Variants in RNF144B observed in about 807,000 individuals in gnomAD.
The protein encoded by RNF144B is ring finger protein 144B.
RNF144B carries 25 observed loss-of-function variants against 40.2 expected under a neutral mutation model. The ratio of observed to expected loss-of-function variants is 0.62; its 90% confidence interval spans 0.45 to 0.87. The LOEUF (loss-of-function observed/expected upper bound fraction) is 0.87. Among genes scored for constraint, RNF144B ranks in the 40% least tolerant of loss-of-function variants. RNF144B has a pLI of 0.00. For synonymous variants in RNF144B, 145 were observed against 136.3 expected (o/e 1.06, Z -0.44); for missense variants, 365 against 373.7 (o/e 0.98, Z 0.19).
At chr6:18,433,835 C>T (rs997240337) in intron 3 of RNF144B, among the ~76,000 whole-genome samples, 2 of 152,140 alleles carry the variant, frequency 1.3e-5, no homozygotes, top group Non-Finnish European at 2.9e-5. Flanking sequence ...CTGTTTTTCT[C>T]CTCTGTTAGG....
rs1759615667 is a variant in RNF144B at position 18,468,290 on chromosome 6, G to C, written c.*3223G>C. ...CTAGGAAATTTTTTCTTGTTGTGAG[G>C]TAGGGAAGTGAGGAGGAAAGCCATG... On this transcript the variant is annotated 3_prime_UTR_variant, in exon 8 of 8. Coordinates refer to ENST00000259939, the MANE Select transcript of RNF144B (RefSeq NM_182757.4). The C allele has an allele frequency of 6.6e-6, 1 of 152,200 alleles. No individual in the cohort carries two copies. Among genetic ancestry groups the C allele is most frequent in the Non-Finnish European group, 1.5e-5 (1 of 68,046 alleles). 9.4% of individuals were successfully genotyped at this position (152,200 alleles called of 1,614,324 possible).
At chr6:18,463,092 C>T (rs1031004603) in intron 6 of RNF144B, among the ~76,000 whole-genome samples, 199 bp from the exon 7 acceptor site, 4 of 151,520 alleles carry the variant, frequency 2.6e-5, no homozygotes, top group Admixed American at 6.6e-5. Flanking sequence ...AATTGAGATT[C>T]GTATTGATTA....
intron 2 of RNF144B, among the ~76,000 whole-genome samples, chr6:18,426,220 C>A (rs917526208): frequency 6.6e-6 from 1 of 152,146 alleles, no homozygotes; most frequent in Non-Finnish European, 1.5e-5. Flanking sequence ...ATGTATAAAT[C>A]TGAAAAATCT....
In RNF144B at chr6:18,456,113, G is replaced by A. The variant is rs1759319794; in HGVS notation, c.332-1042G>A. On this transcript the variant is annotated intron_variant, in intron 4 of 7. Coordinates refer to ENST00000259939, the MANE Select transcript of RNF144B (RefSeq NM_182757.4). The surrounding 1 kb of genome is among the most constrained non-coding windows in gnomAD (Gnocchi z 4.7). ...AATTTTTTGTATTTTTAGTAGAGATGGTGTTTCACCCTGTTAGCCAGGATG... is the reference window on the plus strand; with the variant it reads ...AATTTTTTGTATTTTTAGTAGAGATAGTGTTTCACCCTGTTAGCCAGGATG... Among the ~76,000 whole-genome samples the A allele has an allele frequency of 6.6e-6, 1 of 151,996 alleles. No individual in the cohort carries two copies. The highest frequency in any genetic ancestry group is 1.5e-5 in the Non-Finnish European group (1 of 67,980).
chr6:18,440,095 C>G (rs1201417287), intron 4 of RNF144B, among the ~76,000 whole-genome samples: 1 of 152,144 alleles, frequency 6.6e-6, no homozygotes, highest in Non-Finnish European at 1.5e-5. Context: ...TCTTGAAGAT[C>G]ACTTCGAAAC....
Position 18,434,058 on chromosome 6 carries a change from G to T in RNF144B, c.271-5626G>T, listed in dbSNP as rs1030072459. ...GATGTTCTGATATGTTTTATTATTT[G>T]TTCAGCCTGTTTAATTTTTAAAGCA... On this transcript the variant is annotated intron_variant, in intron 3 of 7. Coordinates refer to ENST00000259939, the MANE Select transcript of RNF144B (RefSeq NM_182757.4). The surrounding 1 kb of genome is among the most constrained non-coding windows in gnomAD (Gnocchi z 4.1). 5.3e-5 allele frequency among the ~76,000 whole-genome samples: 8 copies of T among 152,176 alleles called. No homozygotes were observed. The highest frequency in any genetic ancestry group is 1.9e-4 in the African/African-American group (8 of 41,532).
At chr6:18,438,313 A>G (rs1758869745) in intron 3 of RNF144B, among the ~76,000 whole-genome samples, 3 of 152,210 alleles carry the variant, frequency 2.0e-5, no homozygotes, top group Admixed American at 6.5e-5. Context: ...TAAAAGTCCA[A>G]CCACACTGTT....
Position 18,447,644 on chromosome 6 carries a change from A to G in RNF144B, c.331+7900A>G, listed in dbSNP as rs1375024447. 4.6e-5 allele frequency among the ~76,000 whole-genome samples: 7 copies of G among 152,178 alleles called. No individual in the cohort carries two copies. Among genetic ancestry groups the G allele is most frequent in the Non-Finnish European group, 8.8e-5 (6 of 68,034 alleles). ...TATATGTTAAAAGCAGAAGCATTGA[A>G]AATGCCCAGATTTGGAGTCTGTTTT... On this transcript the variant is annotated intron_variant, in intron 4 of 7. Transcript: ENST00000259939. The surrounding 1 kb of genome is among the most constrained non-coding windows in gnomAD (Gnocchi z 5.6).
At chr6:18,421,491 T>C (rs549262000) in intron 2 of RNF144B, among the ~76,000 whole-genome samples, 1 of 152,148 alleles carries the variant, frequency 6.6e-6, no homozygotes, top group Non-Finnish European at 1.5e-5. Context: ...TCACTAAAAA[T>C]TTTGACGTGT....
At chr6:18,403,932 GAATTCATTCCCGCAAGAACT>G (rs1418167979) in intron 2 of RNF144B, among the ~76,000 whole-genome samples, 1 of 152,176 alleles carries the variant, frequency 6.6e-6, no homozygotes, top group Non-Finnish European at 1.5e-5. Flanking sequence ...GAACTATTAA[GAATTCATTCCCGCAAGAACT>G]AATTCATTCT....
chr6:18,399,178 G>T (rs1288022967), intron 1 of RNF144B, among the ~76,000 whole-genome samples: 1 of 152,118 alleles, frequency 6.6e-6, no homozygotes, highest in Non-Finnish European at 1.5e-5. Flanking sequence ...GAGCTCCCCA[G>T]AACTTATTCA....
intron 3 of RNF144B, among the ~76,000 whole-genome samples, chr6:18,437,448 C>A (rs1252877918): frequency 1.3e-5 from 2 of 151,954 alleles, no homozygotes; most frequent in Non-Finnish European, 2.9e-5. Flanking sequence ...CTTAAAAAAA[C>A]AGTAATACAA....
At position 18,387,454 on chromosome 6, in the gene RNF144B, G is replaced by A. The variant is rs370215421; in HGVS notation, c.-213G>A. 4 of 1,239,936 alleles carry A rather than the reference G, an allele frequency of 3.2e-6. No homozygotes were observed. The highest frequency in any genetic ancestry group is 3.1e-5 in the African/African-American group (2 of 63,994). 76.8% of individuals were successfully genotyped at this position (1,239,936 alleles called of 1,614,324 possible). ...CGCCTCCTCCCGACCCGTAGGTCTGGGAGCGCAAGTCCTGTTGCAGTCTTG... is the reference window on the plus strand; with the variant it reads ...CGCCTCCTCCCGACCCGTAGGTCTGAGAGCGCAAGTCCTGTTGCAGTCTTG... On this transcript the variant is annotated 5_prime_UTR_variant, in exon 1 of 8. Transcript: ENST00000259939.
In RNF144B at chr6:18,458,876, G is replaced by A. The variant is rs190000064; in HGVS notation, c.537-731G>A. Among the ~76,000 whole-genome samples, 8 of 152,270 alleles carry A rather than the reference G, an allele frequency of 5.3e-5. No individual in the cohort carries two copies. In the East Asian group the frequency reaches 5.8e-4, roughly 11 times the overall value. ...AATGAGCATTTCCTTTGTCATGTTG[G>A]CACTCAAAAAGTTTCAGATTTTGGA... On this transcript the variant is annotated intron_variant, in intron 5 of 7. Coordinates refer to ENST00000259939, the MANE Select transcript of RNF144B (RefSeq NM_182757.4). The surrounding 1 kb of genome is among the most constrained non-coding windows in gnomAD (Gnocchi z 4.8).
rs763659273 is a variant in RNF144B, at chr6:18,387,614, C to A, written c.-53C>A. The A allele has an allele frequency of 7.6e-7, 1 of 1,311,402 alleles. No homozygotes were observed. Among genetic ancestry groups the A allele is most frequent in the Non-Finnish European group, 1.0e-6 (1 of 1,000,920 alleles). 81.2% of individuals were successfully genotyped at this position (1,311,402 alleles called of 1,614,324 possible). A position where few individuals can be genotyped will look rare whatever the true frequency, so the allele number is the denominator to read the frequency against. ...ACTGAGAAGCCCGGCGACGGAGGAA[C>A]GCAGGTCTGCTGCCAGGTAGGTTTA... On this transcript the variant is annotated 5_prime_UTR_variant, in exon 1 of 8. Transcript: ENST00000259939.
chr6:18,429,004 C>A (rs1006668398), intron 3 of RNF144B, among the ~76,000 whole-genome samples: 3 of 151,864 alleles, frequency 2.0e-5, no homozygotes, highest in Admixed American at 1.3e-4. Flanking sequence ...CCAGCCTGGG[C>A]AATATAGCAA....
rs913497145 is a variant in RNF144B at position 18,443,167 on chromosome 6, G to A, written c.331+3423G>A. On this transcript the variant is annotated intron_variant, in intron 4 of 7. Coordinates refer to ENST00000259939, the MANE Select transcript of RNF144B (RefSeq NM_182757.4). The surrounding 1 kb of genome is among the most constrained non-coding windows in gnomAD (Gnocchi z 4.7). ...CATCTTACTGTCATAAAGTATTGCAGTGTATTAAATTTAGTGGCCTTTTGA... is the reference window on the plus strand; with the variant it reads ...CATCTTACTGTCATAAAGTATTGCAATGTATTAAATTTAGTGGCCTTTTGA... 6.6e-6 allele frequency among the ~76,000 whole-genome samples: 1 copy of A among 152,296 alleles called. No homozygotes were observed. The highest frequency in any genetic ancestry group is 6.5e-5 in the Admixed American group (1 of 15,294).
rs565342457 is a variant in RNF144B, at chr6:18,456,431, G to A, written c.332-724G>A. 2.6e-5 allele frequency among the ~76,000 whole-genome samples: 4 copies of A among 152,198 alleles called. No individual in the cohort carries two copies. Among genetic ancestry groups the A allele is most frequent in the Non-Finnish European group, 5.9e-5 (4 of 68,038 alleles). Reference sequence around the variant, plus strand: ...GTTTCTCAGTGCCTGAAAGGACAAAGTCTTTTTGGAAAAATATCTTATTAA... The same window carrying A: ...GTTTCTCAGTGCCTGAAAGGACAAAATCTTTTTGGAAAAATATCTTATTAA... On this transcript the variant is annotated intron_variant, in intron 4 of 7. Transcript: ENST00000259939. This position sits in a 1 kb window ranked among gnomAD's most constrained non-coding sequence, Gnocchi z 4.7.
intron 3 of RNF144B, among the ~76,000 whole-genome samples, chr6:18,437,923 T>C (rs1758857820): frequency 6.6e-6 from 1 of 152,186 alleles, no homozygotes; most frequent in Non-Finnish European, 1.5e-5. Context: ...GGGTTGACTT[T>C]GAAGGATTTA....
Sources: allele counts gnomAD v4.1 joint callset (sites outside exome capture counted in the v4.1 genomes callset), GRCh38; gene constraint gnomAD v4.1.1; non-coding constraint Gnocchi (gnomAD v3.1); transcripts MANE v1.5; gene names NCBI Gene and HGNC (gene_info 2026-07-23, HGNC 2026-07-21).